Variants in SPNS3 observed in about 807,000 individuals in gnomAD.
SPNS3 encodes the protein SPNS lysolipid transporter 3, sphingosine-1-phosphate (putative), also known as protein spinster homolog 3.
SPNS3 carries 51 observed loss-of-function variants against 54.4 expected under a neutral mutation model. The ratio of observed to expected loss-of-function variants is 0.94; its 90% CI spans 0.75 to 1.18. SPNS3 has a LOEUF of 1.18. Among genes scored for constraint, SPNS3 ranks in the 50% most tolerant of loss-of-function variants. The probability of loss-of-function intolerance (pLI) is 0.00; values close to 1 mark genes in which losing one functional copy is unlikely to be tolerated. For missense variants in SPNS3, 669 were observed against 677.4 expected, an observed-to-expected ratio of 0.99 and a Z score of 0.14; for synonymous variants, 309 against 294.7, an observed-to-expected ratio of 1.05 and a Z score of -0.50.
chr17:4,438,646 A>G (rs1970773405), intron 1 of SPNS3, among the ~76,000 whole-genome samples: 1 of 152,238 alleles, frequency 6.6e-6, no homozygotes, highest in South Asian at 2.1e-4. Context: ...CGTGCAAGCC[A>G]GGACACGTTC....
intron 2 of SPNS3, among the ~76,000 whole-genome samples, chr17:4,444,005 A>G (rs58971952): frequency 0.11 from 16,226 of 152,126 alleles, 1,019 homozygotes; most frequent in African/African-American, 0.18. Flanking sequence ...GGAGGCTGAG[A>G]TGGGAGGATG....
At chr17:4,487,715 G>A in intron 11 of SPNS3, 91 bp from the exon 12 acceptor site, 1 of 1,130,358 alleles carries the variant, frequency 8.8e-7, no homozygotes, top group East Asian at 2.3e-5. Context: ...GGGACAGAGA[G>A]GATTTCCTGA....
chr17:4,448,645 C>T (rs1261795982), intron 6 of SPNS3, among the ~76,000 whole-genome samples: 5 of 152,336 alleles, frequency 3.3e-5, no homozygotes, highest in East Asian at 3.9e-4. Flanking sequence ...CCCCCTTCTC[C>T]GGGTTGCTGG....
chr17:4,488,026 A>C lies in SPNS3; in HGVS notation c.*132A>C. On this transcript the variant is annotated 3_prime_UTR_variant, in exon 12 of 12. Transcript: ENST00000355530. ...CTGCCACTTTTGAATTCCCGGCTGG[A>C]GAGCTGGCAGGACCCTGTGGCTGGG... is the stretch of plus-strand genomic sequence containing the variant. 5 of 760,818 alleles carry C rather than the reference A, an allele frequency of 6.6e-6. No individual in the cohort carries two copies. The highest frequency in any genetic ancestry group is 1.1e-5 in the Non-Finnish European group (5 of 453,764). 47.1% of individuals were successfully genotyped at this position (760,818 alleles called of 1,614,324 possible).
Position 4,486,131 on chromosome 17 carries a change from G to A in SPNS3, c.1180-97G>A. ...CCCTCCCATCCCACTCACCTGAATG[G>A]CCTGTCACTCCTCCAGGCAGGTCCT... On this transcript the variant is annotated intron_variant, in intron 9 of 11. Transcript: ENST00000355530. The surrounding 1 kb of genome is among the most constrained non-coding windows in gnomAD (Gnocchi z 5.5). The A allele has an allele frequency of 9.1e-7, 1 of 1,097,346 alleles. No homozygotes were observed. Among genetic ancestry groups the A allele is most frequent in the Non-Finnish European group, 1.3e-6 (1 of 799,344 alleles). The allele number at this position is 1,097,346 out of a possible 1,614,324, so 68.0% of individuals were successfully genotyped here. A position where few individuals can be genotyped will look rare whatever the true frequency, so the allele number is the denominator to read the frequency against.
In SPNS3 at chr17:4,458,646, T is replaced by TTTCTTTCTTTCTTTCC. The variant is rs748150277; in HGVS notation, c.1113+5444_1113+5445insTTTCTTTCTTTCCTTC. Among the ~76,000 whole-genome samples the TTTCTTTCTTTCTTTCC allele has an allele frequency of 2.9e-3, 368 of 128,128 alleles. 1 individual carries two copies. The highest frequency in any genetic ancestry group is 4.1e-3 in the South Asian group (16 of 3,896). The allele number at this position is 128,128 out of a possible 152,430, so 84.1% of individuals were successfully genotyped here. On this transcript the variant is annotated intron_variant, in intron 8 of 11. Transcript: ENST00000355530. ...CTTTCTTTCTTTCTTTCTTTCTTTCTTTCCTTCCTTCTTTCTTTCTTTCTT... is the reference window on the plus strand; with the variant it reads ...CTTTCTTTCTTTCTTTCTTTCTTTCTTTCTTTCTTTCTTTCCTTCCTTCCTTCTTTCTTTCTTTCTT...
chr17:4,468,755 T>TTCTTTCTTTCTTTCTTTCTC (rs1555531906), intron 8 of SPNS3, among the ~76,000 whole-genome samples: 1 of 143,966 alleles, frequency 6.9e-6, no homozygotes, highest in African/African-American at 2.8e-5. Context: ...CTTTCTTTCT[T>TTCTTTCTTTCTTTCTTTCTC]TCTTTCTCTC....
rs55928003 is a variant in SPNS3, at chr17:4,461,361, C to CTTTTTTT, written c.1113+8176_1113+8182dup. On this transcript the variant is annotated intron_variant, in intron 8 of 11. Coordinates refer to ENST00000355530, the MANE Select transcript of SPNS3 (RefSeq NM_182538.5). Reference sequence around the variant, plus strand: ...TATTTGCTTTCTTTTCTTTTCTTTTCTTTTTTTTTTTTTTTTTTTTTTTTT... The same window carrying CTTTTTTT: ...TATTTGCTTTCTTTTCTTTTCTTTTCTTTTTTTTTTTTTTTTTTTTTTTTTTTTTTTT... 3.7e-3 allele frequency among the ~76,000 whole-genome samples: 122 copies of CTTTTTTT among 33,406 alleles called. 19 individuals carry two copies. The highest frequency in any genetic ancestry group is 7.2e-3 in the South Asian group (5 of 690). 21.9% of individuals were successfully genotyped at this position (33,406 alleles called of 152,430 possible). A position where few individuals can be genotyped will look rare whatever the true frequency, so the allele number is the denominator to read the frequency against.
intron 8 of SPNS3, among the ~76,000 whole-genome samples, chr17:4,458,052 C>T (rs1305991204): frequency 6.6e-6 from 1 of 151,770 alleles, no homozygotes; most frequent in Non-Finnish European, 1.5e-5. Context: ...GTAGAATGCT[C>T]GGATGTTCTG....
chr17:4,477,970 C>CTTTTTTTTTTTTTTTTTTTT lies in SPNS3; in HGVS notation c.1114-583_1114-582insTTTTTTTTTTTTTTTTTTTT, dbSNP rs397837193. On this transcript the variant is annotated intron_variant, in intron 8 of 11. Transcript: ENST00000355530. Reference sequence around the variant, plus strand: ...AAAGTCTGTTTTTTTTTCACTTTTCCTTTTTTTTTTTTTTTTTTTGAGGCG... The same window carrying CTTTTTTTTTTTTTTTTTTTT: ...AAAGTCTGTTTTTTTTTCACTTTTCCTTTTTTTTTTTTTTTTTTTTTTTTTTTTTTTTTTTTTTTGAGGCG... 1.9e-4 allele frequency among the ~76,000 whole-genome samples: 19 copies of CTTTTTTTTTTTTTTTTTTTT among 97,622 alleles called. 2 individuals carry two copies. The highest frequency in any genetic ancestry group is 7.8e-4 in the African/African-American group (17 of 21,906). The allele number at this position is 97,622 out of a possible 152,430, so 64.0% of individuals were successfully genotyped here. A position where few individuals can be genotyped will look rare whatever the true frequency, so the allele number is the denominator to read the frequency against.
intron 8 of SPNS3, among the ~76,000 whole-genome samples, chr17:4,473,991 T>G (rs1597337369): frequency 6.6e-6 from 1 of 150,866 alleles, no homozygotes; most frequent in East Asian, 1.9e-4. Context: ...CCTGGCTTTC[T>G]GGGCTGGACA....
intron 2 of SPNS3, among the ~76,000 whole-genome samples, chr17:4,442,251 G>A (rs1266702465): frequency 6.6e-6 from 1 of 151,904 alleles, no homozygotes; most frequent in Admixed American, 6.6e-5. Context: ...GAGATAGAGG[G>A]GTTGGGCTGG....
At chr17:4,485,483 C>T (rs182571946) in intron 9 of SPNS3, among the ~76,000 whole-genome samples, 4 of 151,890 alleles carry the variant, frequency 2.6e-5, no homozygotes, top group East Asian at 3.9e-4. Flanking sequence ...CTGCAACCTC[C>T]GCCTCCCGTG....
intron 8 of SPNS3, among the ~76,000 whole-genome samples, chr17:4,458,633 C>CTTTCT (rs1971407994): frequency 1.6e-5 from 2 of 128,012 alleles, no homozygotes; most frequent in African/African-American, 2.9e-5. Context: ...TTCTTTCTTT[C>CTTTCT]TTTCTTTCTT....
Position 4,486,456 on chromosome 17 carries a change from G to C in SPNS3, c.1323G>C (p.Gln441His). The change falls in exon 11 of 12, where the codon CAG (glutamine) becomes CAC (histidine). Residue 441 changes from glutamine (Q) to histidine (H), a missense_variant. Physicochemically the swap from Gln to His is conservative, Grantham distance 24 (BLOSUM62 0). Coordinates refer to ENST00000355530, the MANE Select transcript of SPNS3 (RefSeq NM_182538.5). The surrounding 1 kb of genome is among the most constrained non-coding windows in gnomAD (Gnocchi z 5.5). ...LRARRPDSYL[Q>H]RFRSLQQSFL... Reference sequence around the variant, plus strand: ...CCAGGCGCCCTGACTCCTATCTGCAGCGCTTCCGCAGCCTGCAGCAGAGCT... The same window carrying C: ...CCAGGCGCCCTGACTCCTATCTGCACCGCTTCCGCAGCCTGCAGCAGAGCT... The C allele has an allele frequency of 6.2e-7, 1 of 1,612,868 alleles. No homozygotes were observed. Among genetic ancestry groups the C allele is most frequent in the East Asian group, 2.2e-5 (1 of 44,868 alleles).
At chr17:4,445,986 C>T (rs878974897) in intron 3 of SPNS3, 62 bp from the exon 4 acceptor site, 33 of 1,533,542 alleles carry the variant, frequency 2.2e-5, no homozygotes, top group South Asian at 6.2e-5. Flanking sequence ...GACAAACCCT[C>T]GGGTCCCTGG....
intron 8 of SPNS3, among the ~76,000 whole-genome samples, chr17:4,471,881 CAG>C (rs1257179186): frequency 6.7e-6 from 1 of 149,460 alleles, no homozygotes; most frequent in Non-Finnish European, 1.5e-5. Flanking sequence ...TTTTTTGAGA[CAG>C]AGTCTCACTC....
At chr17:4,478,432 C>A in intron 8 of SPNS3, 140 bp from the exon 9 acceptor site, 1 of 724,072 alleles carries the variant, frequency 1.4e-6, no homozygotes, top group Non-Finnish European at 2.3e-6. Flanking sequence ...AGTTCTAGGC[C>A]TTCCTCGCTC....
At position 4,446,919 on chromosome 17, in the gene SPNS3, CG is replaced by C. The variant is rs769285274; in HGVS notation, c.580del (p.Ala194LeufsTer2). The C allele has an allele frequency of 5.6e-6, 9 of 1,613,962 alleles. No homozygotes were observed. In the African/African-American group the frequency reaches 1.1e-4, roughly 19 times the overall value. On this transcript the variant is annotated frameshift_variant, in exon 5 of 12. Transcript: ENST00000355530. LOFTEE classifies it high-confidence loss of function. The part of the protein sequence containing the change: ...VGSGLGYVLG[S>X]AVTMLTGNWR... ...AGTGGTCTGGGCTACGTGCTGGGGTCGGCTGTGACGATGCTGACTGGGAACT... is the reference window on the plus strand; with the variant it reads ...AGTGGTCTGGGCTACGTGCTGGGGTCGCTGTGACGATGCTGACTGGGAACT...
Sources: gnomAD v4.1 joint callset for allele counts (sites outside exome capture counted in the v4.1 genomes callset) on GRCh38, gnomAD v4.1.1 for gene constraint, Gnocchi (gnomAD v3.1) non-coding constraint, MANE v1.5 for transcripts, NCBI Gene and HGNC (gene_info 2026-07-23, HGNC 2026-07-21) for gene names.